The following RGS7 variants were observed in gnomAD, a reference collection of about 807,000 sequenced individuals.
RGS7 encodes regulator of G protein signaling 7.
In RGS7, 27 loss-of-function variants were observed where a neutral mutation model predicts 81.1. The ratio of observed to expected loss-of-function variants is 0.33; its 90% CI spans 0.25 to 0.46. RGS7 has a LOEUF of 0.46. Among genes scored for constraint, RGS7 ranks in the 20% least tolerant of loss-of-function variants. The probability of loss-of-function intolerance (pLI) is 1.00; values close to 1 mark genes in which losing one functional copy is unlikely to be tolerated. For missense variants in RGS7, 396 were observed against 607.4 expected, an observed-to-expected ratio of 0.65 and a Z score of 3.66; for synonymous variants, 208 against 207.7, an observed-to-expected ratio of 1.00 and a Z score of -0.01.
At chr1:240,911,625 T>A (rs1376831348) in intron 6 of RGS7, among the ~76,000 whole-genome samples, 1 of 152,164 alleles carries the variant, frequency 6.6e-6, no homozygotes, top group Non-Finnish European at 1.5e-5. Flanking sequence ...CATCCAGCTA[T>A]CTGTAAGTCT....
At chr1:241,065,419 A>G (rs2062004799) in intron 3 of RGS7, among the ~76,000 whole-genome samples, 1 of 151,922 alleles carries the variant, frequency 6.6e-6, no homozygotes, top group Non-Finnish European at 1.5e-5. Flanking sequence ...TTTATAGAGT[A>G]GCTATATAAA....
At chr1:240,984,496 T>C (rs1685376028) in intron 3 of RGS7, among the ~76,000 whole-genome samples, 1 of 152,198 alleles carries the variant, frequency 6.6e-6, no homozygotes, top group Admixed American at 6.5e-5. Flanking sequence ...CATAGATGAA[T>C]AGAATGATGA....
chr1:241,254,156 C>T (rs117989029), intron 2 of RGS7, among the ~76,000 whole-genome samples: 2,475 of 146,082 alleles, frequency 0.017, 73 homozygotes, highest in East Asian at 0.087. Context: ...GCCAAGATGG[C>T]GCCACTGCAC....
chr1:240,937,170 T>A (rs970980700), intron 4 of RGS7, among the ~76,000 whole-genome samples: 1 of 152,168 alleles, frequency 6.6e-6, no homozygotes, highest in Non-Finnish European at 1.5e-5. Context: ...GTGGTACGAC[T>A]CCAGCCAATG....
intron 2 of RGS7, among the ~76,000 whole-genome samples, chr1:241,159,368 GTGT>G (rs2069443906): frequency 6.6e-6 from 1 of 151,964 alleles, no homozygotes; most frequent in African/African-American, 2.4e-5. Flanking sequence ...TCCCTTTTAT[GTGT>G]TGTTCTTTCT....
intron 2 of RGS7, among the ~76,000 whole-genome samples, chr1:241,262,596 G>A (rs1238582270): frequency 6.6e-6 from 1 of 152,132 alleles, no homozygotes; most frequent in Admixed American, 6.6e-5. Flanking sequence ...TCAGAATTGT[G>A]GCCACATCTC....
intron 2 of RGS7, among the ~76,000 whole-genome samples, chr1:241,157,207 G>C (rs10465612): frequency 0.54 from 82,617 of 151,930 alleles, 25,765 homozygotes; most frequent in African/African-American, 0.87. Flanking sequence ...AAGGAAGAGA[G>C]AGCTAATATG....
intron 6 of RGS7, among the ~76,000 whole-genome samples, chr1:240,884,509 C>G (rs896707191): frequency 2.6e-5 from 4 of 152,176 alleles, no homozygotes; most frequent in Admixed American, 6.5e-5. Context: ...TTTTTGTATA[C>G]TGCAGGGCTA....
chr1:241,254,478 C>T (rs189606343), intron 2 of RGS7, among the ~76,000 whole-genome samples: 12 of 152,244 alleles, frequency 7.9e-5, no homozygotes, highest in Admixed American at 6.5e-5. Context: ...TTGCAAATGG[C>T]GTCTTCTTGT....
At chr1:241,062,036 T>G (rs910815381) in intron 3 of RGS7, among the ~76,000 whole-genome samples, 1 of 152,208 alleles carries the variant, frequency 6.6e-6, no homozygotes, top group Non-Finnish European at 1.5e-5. Flanking sequence ...TCACCTACAC[T>G]TCTGTTAGTC....
chr1:241,070,579 C>T (rs1266122905), intron 3 of RGS7, among the ~76,000 whole-genome samples: 1 of 152,080 alleles, frequency 6.6e-6, no homozygotes. Flanking sequence ...CTTCTTGAGG[C>T]CTTGATTAGA....
At chr1:241,170,447 A>T (rs1431003913) in intron 2 of RGS7, among the ~76,000 whole-genome samples, 1 of 152,220 alleles carries the variant, frequency 6.6e-6, no homozygotes, top group Non-Finnish European at 1.5e-5. Context: ...ACAACTTCTC[A>T]ATCATCCTAA....
At chr1:240,788,001 G>A (rs1009835519) in intron 18 of RGS7, among the ~76,000 whole-genome samples, 3 of 152,090 alleles carry the variant, frequency 2.0e-5, no homozygotes, top group South Asian at 2.1e-4. Context: ...TTACGATTAC[G>A]AGGCCTATTG....
intron 3 of RGS7, among the ~76,000 whole-genome samples, chr1:241,054,586 A>G (rs115014839): frequency 0.011 from 1,635 of 152,328 alleles, 27 homozygotes; most frequent in African/African-American, 0.038. Flanking sequence ...TCCATATGTA[A>G]TAGGTAATTC....
intron 6 of RGS7, among the ~76,000 whole-genome samples, chr1:240,916,133 T>G (rs1672570771): frequency 1.4e-5 from 2 of 140,400 alleles, no homozygotes; most frequent in Admixed American, 1.4e-4. Flanking sequence ...AAAAAAAAAT[T>G]AGCACATGGT....
At chr1:241,310,167 C>T (rs529745130) in intron 2 of RGS7, among the ~76,000 whole-genome samples, 3 of 152,170 alleles carry the variant, frequency 2.0e-5, no homozygotes, top group African/African-American at 7.2e-5. Flanking sequence ...GTCATTTTCT[C>T]CAGTCAAACT....
At chr1:240,891,195 C>G (rs1031170381) in intron 6 of RGS7, among the ~76,000 whole-genome samples, 1 of 118,396 alleles carries the variant, frequency 8.4e-6, no homozygotes, top group African/African-American at 2.8e-5. Flanking sequence ...TTTTTTCCAG[C>G]ATCACTGGGG....
intron 2 of RGS7, among the ~76,000 whole-genome samples, chr1:241,339,028 C>T (rs1183157087): frequency 2.0e-5 from 3 of 152,096 alleles, no homozygotes; most frequent in East Asian, 3.9e-4. Flanking sequence ...AGCTATTTAT[C>T]CTGATGCTCT....
chr1:240,963,178 T>C (rs1235205951), intron 4 of RGS7, among the ~76,000 whole-genome samples: 2 of 152,086 alleles, frequency 1.3e-5, no homozygotes, highest in Non-Finnish European at 2.9e-5. Context: ...AGATCTGATA[T>C]TTAGGAGGCA....
Sources: gnomAD v4.1 joint callset for allele counts (sites outside exome capture counted in the v4.1 genomes callset) on GRCh38, gnomAD v4.1.1 for gene constraint, MANE v1.5 for transcripts, NCBI Gene and HGNC (gene_info 2026-07-23, HGNC 2026-07-21) for gene names.